MTHFD2L: variants seen among roughly 807,000 people sequenced by gnomAD.
MTHFD2L encodes the protein bifunctional methylenetetrahydrofolate dehydrogenase/cyclohydrolase 2, mitochondrial.
A neutral mutation model predicts 34.9 loss-of-function variants in MTHFD2L; 29 were observed. The observed-to-expected ratio is 0.83, with a 90% confidence interval of 0.62 to 1.13. MTHFD2L has a LOEUF of 1.13. Ranked by LOEUF, MTHFD2L falls within the 50% of genes most tolerant of loss-of-function variation. The pLI, the probability that MTHFD2L is intolerant of heterozygous loss-of-function variation, is 0.00. For missense variants in MTHFD2L, 481 were observed against 446.5 expected (o/e 1.08, Z -0.70); for synonymous variants, 167 against 155.7 (o/e 1.07, Z -0.54).
chr4:74,246,760 C>G (rs1301355442), intron 6 of MTHFD2L, among the ~76,000 whole-genome samples: 1 of 152,088 alleles, frequency 6.6e-6, no homozygotes, highest in Non-Finnish European at 1.5e-5. Context: ...GCTTGTTTTT[C>G]TCAGGTTTGT....
intron 3 of MTHFD2L, among the ~76,000 whole-genome samples, chr4:74,175,940 T>C (rs150935043): frequency 6.0e-4 from 92 of 152,174 alleles, no homozygotes; most frequent in African/African-American, 2.1e-3. Flanking sequence ...TAACTTATCA[T>C]ATGGAATGGG....
At chr4:74,173,769 A>G (rs896852588) in intron 1 of MTHFD2L, among the ~76,000 whole-genome samples, 4 of 152,220 alleles carry the variant, frequency 2.6e-5, no homozygotes, top group Non-Finnish European at 5.9e-5. Context: ...AATTTAGGCA[A>G]TATTATAGTC....
chr4:74,196,199 GA>G (rs1733439891), intron 3 of MTHFD2L, among the ~76,000 whole-genome samples: 1 of 151,848 alleles, frequency 6.6e-6, no homozygotes, highest in Non-Finnish European at 1.5e-5. Flanking sequence ...GAAAGCAGAG[GA>G]AAAAAATATT....
rs1738968029 is a variant in MTHFD2L, at chr4:74,225,322, G to A, written c.733G>A (p.Ala245Thr). 13 of 1,612,526 alleles carry A rather than the reference G, an allele frequency of 8.1e-6. No homozygotes were observed. The highest frequency in any genetic ancestry group is 1.0e-5 in the Non-Finnish European group (12 of 1,178,982). The change falls in exon 6 of 8, where the codon GCT becomes ACT. Residue 245 changes from alanine (A) to threonine (T), a missense_variant. By Grantham distance (58) the Ala-to-Thr change is moderately conservative (BLOSUM62 0). Coordinates refer to ENST00000325278, the MANE Select transcript of MTHFD2L (RefSeq NM_001144978.3). ...TCCAGGTGATGCAACTGTGACAATA[G>A]CTCACAGATACACCCCCAAAGAGCA... The part of the protein sequence containing the change: ...RPGGDATVTI[A>T]HRYTPKEQLK...
At chr4:74,127,274 A>C (rs944003090) in intron 1 of MTHFD2L, among the ~76,000 whole-genome samples, 34 of 152,150 alleles carry the variant, frequency 2.2e-4, no homozygotes, top group Non-Finnish European at 2.5e-4. Flanking sequence ...CATTTGAATT[A>C]TTCTCTTCTA....
intron 1 of MTHFD2L, among the ~76,000 whole-genome samples, chr4:74,162,950 T>C (rs1160077298): frequency 6.6e-6 from 1 of 152,214 alleles, no homozygotes; most frequent in Non-Finnish European, 1.5e-5. Flanking sequence ...ATTTTGCATG[T>C]AAATTTTAAA....
intron 6 of MTHFD2L, chr4:74,268,166 G>A (rs1331595066): frequency 1.0e-6 from 1 of 983,606 alleles, no homozygotes; most frequent in Non-Finnish European, 1.2e-6. Context: ...GGATACCTGG[G>A]AGAAGACACT....
intron 3 of MTHFD2L, among the ~76,000 whole-genome samples, chr4:74,188,318 G>A (rs1731726468): frequency 6.6e-6 from 1 of 152,190 alleles, no homozygotes; most frequent in African/African-American, 2.4e-5. Context: ...GTTCTAGTGA[G>A]AAGTTTCTTC....
chr4:74,123,431 C>T (rs557065017), upstream of MTHFD2L: 1 of 152,222 alleles, frequency 6.6e-6, no homozygotes, highest in South Asian at 2.1e-4. Flanking sequence ...AAGGTAGGCT[C>T]ATCTTTCTAA....
intron 5 of MTHFD2L, 23 bp from the exon 6 acceptor site, chr4:74,225,279 A>T (rs773959430): frequency 1.1e-5 from 18 of 1,580,442 alleles, no homozygotes; most frequent in South Asian, 1.0e-4. Flanking sequence ...GTAATCACTG[A>T]TAGAAATTCT....
At chr4:74,252,268 T>C (rs1268235170) in intron 6 of MTHFD2L, among the ~76,000 whole-genome samples, 2 of 152,136 alleles carry the variant, frequency 1.3e-5, no homozygotes, top group African/African-American at 4.8e-5. Flanking sequence ...GCAAGGCCTG[T>C]TCTGTACCAG....
Position 74,298,566 on chromosome 4 carries a change from G to T in MTHFD2L, c.932-3131G>T, listed in dbSNP as rs114621841. ...ACATAATTTGGAAGAGGAAGATAAT[G>T]ATACCTGAGCATACCAGTGGTTTAT... is the stretch of plus-strand genomic sequence containing the variant. On this transcript the variant is annotated intron_variant, in intron 7 of 7. Transcript: ENST00000325278. Among the ~76,000 whole-genome samples, 1,069 of 152,146 alleles carry T rather than the reference G, an allele frequency of 7.0e-3. 16 individuals are homozygous for T. The highest frequency in any genetic ancestry group is 0.038 in the South Asian group (182 of 4,820).
intron 5 of MTHFD2L, among the ~76,000 whole-genome samples, chr4:74,223,502 A>G (rs1007014769): frequency 1.3e-5 from 2 of 152,140 alleles, no homozygotes; most frequent in Middle Eastern, 3.4e-3. Flanking sequence ...GAATTAGGAA[A>G]ACTAATTAAT....
At chr4:74,266,878 T>A (rs1745345968) in intron 6 of MTHFD2L, 1 of 985,238 alleles carries the variant, frequency 1.0e-6, no homozygotes, top group African/African-American at 1.7e-5. Flanking sequence ...AAAAAAGTAA[T>A]TTGTTTTCTA....
chr4:74,264,068 G>A (rs1031924747), intron 6 of MTHFD2L, among the ~76,000 whole-genome samples: 6 of 152,046 alleles, frequency 3.9e-5, no homozygotes, highest in African/African-American at 1.4e-4. Context: ...CCAACCTGAT[G>A]AAGGGCATCT....
chr4:74,258,345 T>C (rs1259917860), intron 6 of MTHFD2L, among the ~76,000 whole-genome samples: 6 of 151,964 alleles, frequency 3.9e-5, no homozygotes, highest in Non-Finnish European at 5.9e-5. Context: ...CATTGATGGA[T>C]GAATGTATAA....
chr4:74,119,893 C>T (rs998309924), upstream of MTHFD2L, among the ~76,000 whole-genome samples: 2 of 152,162 alleles, frequency 1.3e-5, no homozygotes, highest in Non-Finnish European at 2.9e-5. Context: ...TGGTGGTTGG[C>T]TATGCAATGA....
At chr4:74,174,460 G>A (rs1728630644) in intron 1 of MTHFD2L, 46 bp from the exon 2 acceptor site, 1 of 1,293,390 alleles carries the variant, frequency 7.7e-7, no homozygotes, top group Admixed American at 3.3e-5. Context: ...GTGCAGTTGA[G>A]TGTTTCTTAT....
chr4:74,220,634 C>T (rs1180271222), intron 5 of MTHFD2L, among the ~76,000 whole-genome samples: 1 of 151,732 alleles, frequency 6.6e-6, no homozygotes, highest in Non-Finnish European at 1.5e-5. Flanking sequence ...TCTTTTACTA[C>T]ATAGATTTTG....
Sources: gnomAD v4.1 joint callset for allele counts (sites outside exome capture counted in the v4.1 genomes callset) on GRCh38, gnomAD v4.1.1 for gene constraint, MANE v1.5 for transcripts, NCBI Gene and HGNC (gene_info 2026-07-23, HGNC 2026-07-21) for gene names.